The following CFAP46 variants were observed in gnomAD, a reference collection of about 807,000 sequenced individuals.
The protein encoded by CFAP46 is cilia- and flagella-associated protein 46.
A neutral mutation model predicts 325.7 loss-of-function variants in CFAP46; 245 were observed. That is an observed-to-expected ratio of 0.75 (90% CI 0.68 to 0.84). The LOEUF (loss-of-function observed/expected upper bound fraction) is 0.84. CFAP46 is among the 40% of genes least tolerant of loss of function. The pLI is 0.00. For missense variants in CFAP46, 3,346 were observed against 3,543.0 expected, an observed-to-expected ratio of 0.94 and a Z score of 1.41; for synonymous variants, 1,523 against 1,495.9, an observed-to-expected ratio of 1.02 and a Z score of -0.42.
At chr10:132,822,803 TGA>T in intron 50 of CFAP46, among the ~76,000 whole-genome samples, 1 of 134,742 alleles carries the variant, frequency 7.4e-6, no homozygotes, top group Admixed American at 7.2e-5. Flanking sequence ...GTGTGTGTGC[TGA>T]TGTGTGCTGT....
At chr10:132,826,709 C>T (rs1004672903) in intron 50 of CFAP46, among the ~76,000 whole-genome samples, 3 of 146,776 alleles carry the variant, frequency 2.0e-5, no homozygotes, top group South Asian at 2.2e-4. Flanking sequence ...AGGCAGGAGC[C>T]GGAGCCACAG....
Position 132,842,157 on chromosome 10 carries a change from G to A in CFAP46, c.6438+3900C>T, listed in dbSNP as rs141398041. On this transcript the variant is annotated intron_variant, in intron 44 of 57. Transcript: ENST00000368586. ...TTCCCTTTTGCAGCTCCGTGTAGTG[G>A]TTAGAAGTAGCCACGCAGCAGCCTA... 2.2e-3 allele frequency among the ~76,000 whole-genome samples: 335 copies of A among 152,304 alleles called. 2 individuals carry two copies. Among genetic ancestry groups the A allele is most frequent in the Admixed American group, 5.8e-3 (88 of 15,300 alleles).
intron 25 of CFAP46, among the ~76,000 whole-genome samples, chr10:132,891,122 G>A (rs1452279309): frequency 1.3e-5 from 2 of 152,344 alleles, no homozygotes; most frequent in South Asian, 2.1e-4. Context: ...CGATTTATCT[G>A]TGAGCACAGC....
chr10:132,809,396 T>A (rs1244136497), intron 57 of CFAP46, among the ~76,000 whole-genome samples: 1 of 152,182 alleles, frequency 6.6e-6, no homozygotes, highest in Non-Finnish European at 1.5e-5. Context: ...ACTGGCCACA[T>A]CACGGCGGCA....
At chr10:132,843,187 G>C (rs1418051885) in intron 44 of CFAP46, among the ~76,000 whole-genome samples, 1 of 152,224 alleles carries the variant, frequency 6.6e-6, no homozygotes, top group Non-Finnish European at 1.5e-5. Context: ...GGATGCTGCA[G>C]AGGACACTAT....
intron 22 of CFAP46, among the ~76,000 whole-genome samples, chr10:132,900,051 G>A (rs1849372813): frequency 6.6e-6 from 1 of 152,228 alleles, no homozygotes; most frequent in African/African-American, 2.4e-5. Context: ...GACTCTCACA[G>A]TAACCTTATG....
rs767454298 is a variant in CFAP46 at position 132,929,737 on chromosome 10, A to T, written c.934T>A (p.Cys312Ser). 6.2e-7 allele frequency: 1 copy of T among 1,613,920 alleles called. No homozygotes were observed. The highest frequency in any genetic ancestry group is 8.5e-7 in the Non-Finnish European group (1 of 1,179,938). The change falls in exon 9 of 58, where the codon TGC becomes AGC. Residue 312 changes from cysteine (C) to serine (S), a missense_variant. Coordinates refer to ENST00000368586, the MANE Select transcript of CFAP46 (RefSeq NM_001200049.3). ...TCCATCTTCTTCAGGTCTGAGAGGC[A>T]GGCAGAGGAGATCTCCATGCATTTC... ...TLKCMEISSA[C>S]LSDLKKMESK...
At chr10:132,843,795 T>TGCTC (rs1227633857) in intron 44 of CFAP46, among the ~76,000 whole-genome samples, 25 of 91,236 alleles carry the variant, frequency 2.7e-4, no homozygotes, top group African/African-American at 4.2e-4. Flanking sequence ...GCTGTGGGGC[T>TGCTC]CTGGTCTCGG....
intron 24 of CFAP46, among the ~76,000 whole-genome samples, chr10:132,892,911 G>C (rs921223231): frequency 2.6e-5 from 4 of 152,140 alleles, no homozygotes; most frequent in Non-Finnish European, 5.9e-5. Context: ...CCCCACACCA[G>C]GAACTTCAGG....
At chr10:132,887,716 CCTCT>C (rs1428465213) in intron 25 of CFAP46, among the ~76,000 whole-genome samples, 3 of 113,052 alleles carry the variant, frequency 2.7e-5, no homozygotes, top group African/African-American at 3.7e-5. Flanking sequence ...TCTCTCCGCT[CCTCT>C]CTCTCTCCTC....
At chr10:132,846,640 T>C (rs570889968) in intron 43 of CFAP46, among the ~76,000 whole-genome samples, 1 of 151,720 alleles carries the variant, frequency 6.6e-6, no homozygotes, top group South Asian at 2.1e-4. Context: ...TCTCTGTGTC[T>C]GCCCGATCCT....
Position 132,827,158 on chromosome 10 carries a change from G to A in CFAP46, c.7117+6200C>T, listed in dbSNP as rs1030642807. Among the ~76,000 whole-genome samples, 8 of 152,058 alleles carry A rather than the reference G, an allele frequency of 5.3e-5. No homozygotes were observed. The highest frequency in any genetic ancestry group is 1.0e-4 in the Non-Finnish European group (7 of 68,016). ...GAGCCCCACCCAGTCCTGGGCCACT[G>A]AGCCACCCTCCTGCCATGCAGGGCA... On this transcript the variant is annotated intron_variant, in intron 50 of 57. Transcript: ENST00000368586. The surrounding 1 kb of genome is among the most constrained non-coding windows in gnomAD (Gnocchi z 5.7).
At chr10:132,851,613 C>T (rs1489492959) in intron 39 of CFAP46, among the ~76,000 whole-genome samples, 1 of 152,256 alleles carries the variant, frequency 6.6e-6, no homozygotes, top group Non-Finnish European at 1.5e-5. Flanking sequence ...TGGAGGCGCA[C>T]AGAGTGCTGT....
intron 17 of CFAP46, among the ~76,000 whole-genome samples, chr10:132,915,883 G>A (rs138802382): frequency 1.3e-4 from 20 of 152,160 alleles, no homozygotes; most frequent in East Asian, 3.9e-4. Flanking sequence ...AGATCAAAAC[G>A]TCACTATGCA....
At chr10:132,826,205 G>T (rs1848045768) in intron 50 of CFAP46, among the ~76,000 whole-genome samples, 1 of 122,800 alleles carries the variant, frequency 8.1e-6, no homozygotes, top group East Asian at 2.6e-4. Flanking sequence ...GCAGGAGCCG[G>T]AGCCACGGAG....
rs1448202672 is a variant in CFAP46 at position 132,822,155 on chromosome 10, C to T, written c.7118-7241G>A. Among the ~76,000 whole-genome samples, 22 of 113,770 alleles carry T rather than the reference C, an allele frequency of 1.9e-4. 1 individual carries two copies. Among genetic ancestry groups the T allele is most frequent in the African/African-American group, 8.1e-4 (22 of 27,002 alleles). The allele number at this position is 113,770 out of a possible 152,430, so 74.6% of individuals were successfully genotyped here. ...TGTGCTGTGTGTGTGCTGATGTGTG[C>T]TGTGTGCTGTGTGTGCTGATGTGTG... On this transcript the variant is annotated intron_variant, in intron 50 of 57. Transcript: ENST00000368586.
rs1481131399 is a variant in CFAP46 at position 132,919,467 on chromosome 10, T to C, written c.1731-25A>G. ...CCTGCTCACCGAGAACCCAAACGAGTGAAAGGTGAGTAGACAAGTGTGGTT... is the reference window on the plus strand; with the variant it reads ...CCTGCTCACCGAGAACCCAAACGAGCGAAAGGTGAGTAGACAAGTGTGGTT... On this transcript the variant is annotated intron_variant, in intron 14 of 57. Coordinates refer to ENST00000368586, the MANE Select transcript of CFAP46 (RefSeq NM_001200049.3). This position sits in a 1 kb window ranked among gnomAD's most constrained non-coding sequence, Gnocchi z 9.7. 3.9e-6 allele frequency: 6 copies of C among 1,528,068 alleles called. No individual in the cohort carries two copies. The highest frequency in any genetic ancestry group is 4.2e-5 in the Admixed American group (2 of 47,512). The allele number at this position is 1,528,068 out of a possible 1,614,324, so 94.7% of individuals were successfully genotyped here.
intron 8 of CFAP46, 31 bp from the exon 9 acceptor site, chr10:132,929,835 T>C: frequency 6.5e-7 from 1 of 1,543,618 alleles, no homozygotes; most frequent in Non-Finnish European, 8.9e-7. Flanking sequence ...CAGCACCGGC[T>C]CAATAGGGGG....
intron 39 of CFAP46, among the ~76,000 whole-genome samples, chr10:132,855,669 C>A (rs1296340157): frequency 6.6e-6 from 1 of 152,170 alleles, no homozygotes; most frequent in Non-Finnish European, 1.5e-5. Context: ...TTTCTTGGCT[C>A]ATGCAGCATA....
Sources: allele counts gnomAD v4.1 joint callset (sites outside exome capture counted in the v4.1 genomes callset), GRCh38; gene constraint gnomAD v4.1.1; non-coding constraint Gnocchi (gnomAD v3.1); transcripts MANE v1.5; gene names NCBI Gene and HGNC (gene_info 2026-07-23, HGNC 2026-07-21).